Variants in CYP2C19 observed in about 807,000 individuals in gnomAD.
CYP2C19 encodes the protein cytochrome P450 2C19.
CYP2C19 carries 59 observed loss-of-function variants against 40.9 expected under a neutral mutation model. That is an observed-to-expected ratio of 1.44 (90% confidence interval 1.17 to 1.79). The LOEUF is 1.79. Ranked by LOEUF, CYP2C19 falls within the 40% of genes most tolerant of loss-of-function variation. CYP2C19 has a pLI of 0.00. For missense variants in CYP2C19, 754 were observed against 596.9 expected, an observed-to-expected ratio of 1.26 and a Z score of -2.74; for synonymous variants, 253 against 208.7, an observed-to-expected ratio of 1.21 and a Z score of -1.83.
At chr10:94,833,519 A>G (rs1183792931) in intron 6 of CYP2C19, among the ~76,000 whole-genome samples, 1 of 152,022 alleles carries the variant, frequency 6.6e-6, no homozygotes, top group Non-Finnish European at 1.5e-5. Context: ...TTACATATGT[A>G]TACATGTGCC....
intron 5 of CYP2C19, among the ~76,000 whole-genome samples, chr10:94,817,790 G>A (rs1027702487): frequency 6.6e-6 from 1 of 151,988 alleles, no homozygotes; most frequent in Non-Finnish European, 1.5e-5. Flanking sequence ...GAGGCGGGCG[G>A]ATCACGAGGT....
rs1028861936 is a variant in CYP2C19 at position 94,789,193 on chromosome 10, GT to G, written c.819+7205del. ...CCTTCACCCACTTTTTGATGGGGTT[GT>G]TTTTTTTTCTTTTAAATTTGTTTAA... On this transcript the variant is annotated intron_variant, in intron 5 of 8. Transcript: ENST00000371321. Among the ~76,000 whole-genome samples, 6 of 149,800 alleles carry G rather than the reference GT, an allele frequency of 4.0e-5. 1 individual carries two copies. The highest frequency in any genetic ancestry group is 4.2e-4 in the South Asian group (2 of 4,720).
chr10:94,844,516 C>G (rs11597626), intron 7 of CYP2C19, among the ~76,000 whole-genome samples: 31,024 of 152,066 alleles, frequency 0.2, 3,366 homozygotes, highest in Middle Eastern at 0.23. Flanking sequence ...TAGTTGCCAT[C>G]TCAAACCTGC....
At chr10:94,805,282 A>AT (rs1848817629) in intron 5 of CYP2C19, among the ~76,000 whole-genome samples, 2 of 151,892 alleles carry the variant, frequency 1.3e-5, no homozygotes, top group African/African-American at 2.4e-5. Flanking sequence ...GAAAGTTGTC[A>AT]TTTTTTTCTG....
intron 1 of CYP2C19, among the ~76,000 whole-genome samples, chr10:94,768,820 A>T (rs1848286600): frequency 6.6e-6 from 1 of 151,996 alleles, no homozygotes; most frequent in African/African-American, 2.4e-5. Flanking sequence ...ACGTATAAAG[A>T]GTTTTGTCCT....
chr10:94,767,835 T>C (rs1848269105), intron 1 of CYP2C19, among the ~76,000 whole-genome samples: 1 of 152,154 alleles, frequency 6.6e-6, no homozygotes, highest in African/African-American at 2.4e-5. Flanking sequence ...CCTGTGAAAG[T>C]TCCCATTCTG....
intron 6 of CYP2C19, among the ~76,000 whole-genome samples, chr10:94,826,684 T>A (rs931207700): frequency 3.3e-5 from 5 of 152,188 alleles, no homozygotes; most frequent in African/African-American, 1.2e-4. Context: ...GGCCAGAACT[T>A]CCAACACTAT....
chr10:94,768,673 T>A (rs57957726), intron 1 of CYP2C19, among the ~76,000 whole-genome samples: 1 of 151,540 alleles, frequency 6.6e-6, no homozygotes, highest in Admixed American at 6.6e-5. Context: ...AAGACAGCCA[T>A]CACCACAACT....
intron 5 of CYP2C19, among the ~76,000 whole-genome samples, chr10:94,815,962 A>G (rs1346246172): frequency 6.6e-6 from 1 of 152,160 alleles, no homozygotes. Context: ...TCCTATTTTT[A>G]TTAATTTAAG....
intron 5 of CYP2C19, among the ~76,000 whole-genome samples, chr10:94,790,357 C>A (rs558364175): frequency 7.9e-5 from 12 of 152,218 alleles, no homozygotes; most frequent in Admixed American, 7.8e-4. Flanking sequence ...TGCCTGATTG[C>A]CCTGGGCAGA....
At chr10:94,845,937 A>G (rs1318466146) in intron 7 of CYP2C19, among the ~76,000 whole-genome samples, 1 of 152,100 alleles carries the variant, frequency 6.6e-6, no homozygotes, top group Non-Finnish European at 1.5e-5. Flanking sequence ...CTACTTTGAT[A>G]TCTGTCTATC....
At chr10:94,776,255 A>G (rs1564661592) in intron 3 of CYP2C19, 1 of 152,194 alleles carries the variant, frequency 6.6e-6, no homozygotes, top group Non-Finnish European at 1.5e-5. Flanking sequence ...TTATTTAACT[A>G]GATTTTAATT....
At chr10:94,847,262 G>A (rs11188095) in intron 7 of CYP2C19, among the ~76,000 whole-genome samples, 1 of 151,974 alleles carries the variant, frequency 6.6e-6, no homozygotes, top group Non-Finnish European at 1.5e-5. Flanking sequence ...GGTGTGTGAT[G>A]TTCCCCTTCC....
chr10:94,783,516 G>C (rs1205937537), intron 5 of CYP2C19, among the ~76,000 whole-genome samples: 1 of 152,086 alleles, frequency 6.6e-6, no homozygotes, highest in South Asian at 2.1e-4. Flanking sequence ...CACCTCTTTT[G>C]TCATTGCACC....
intron 7 of CYP2C19, among the ~76,000 whole-genome samples, chr10:94,843,357 A>G (rs1334426463): frequency 2.0e-5 from 3 of 152,242 alleles, no homozygotes; most frequent in African/African-American, 7.2e-5. Flanking sequence ...CATTAAATTT[A>G]TAGGTCAGTT....
At chr10:94,783,992 T>C (rs1195034083) in intron 5 of CYP2C19, among the ~76,000 whole-genome samples, 7 of 152,164 alleles carry the variant, frequency 4.6e-5, no homozygotes, top group Non-Finnish European at 8.8e-5. Context: ...TGTGCAACCA[T>C]CAGCTTTCTC....
intron 7 of CYP2C19, among the ~76,000 whole-genome samples, chr10:94,846,220 C>T (rs1849570880): frequency 1.3e-5 from 2 of 152,030 alleles, no homozygotes; most frequent in African/African-American, 4.8e-5. Context: ...TGTTTCCTTT[C>T]AGTATGTTGA....
intron 7 of CYP2C19, among the ~76,000 whole-genome samples, chr10:94,844,688 G>A (rs1306519774): frequency 6.6e-6 from 1 of 152,030 alleles, no homozygotes; most frequent in Admixed American, 6.6e-5. Context: ...GAGATTATGG[G>A]GCTTACCCTG....
At position 94,842,921 on chromosome 10, in the gene CYP2C19, A is replaced by C. The variant is rs755758433; in HGVS notation, c.1046A>C (p.Asp349Ala). The change falls in exon 7 of 9, where the codon GAT (aspartate) becomes GCT (alanine). Residue 349 changes from aspartate to alanine, a missense_variant. Asp to Ala is a moderately radical substitution (Grantham distance 126). Transcript: ENST00000371321. ...MQDRGHMPYT[D>A]AVVHEVQRYI... Reference sequence around the variant, plus strand: ...GACAGGGGCCACATGCCCTACACAGATGCTGTGGTGCACGAGGTCCAGAGA... The same window carrying C: ...GACAGGGGCCACATGCCCTACACAGCTGCTGTGGTGCACGAGGTCCAGAGA... 6.2e-7 allele frequency: 1 copy of C among 1,614,206 alleles called. No individual in the cohort carries two copies. The highest frequency in any genetic ancestry group is 1.1e-5 in the South Asian group (1 of 91,082).
Sources: gnomAD v4.1 joint callset for allele counts (sites outside exome capture counted in the v4.1 genomes callset) on GRCh38, gnomAD v4.1.1 for gene constraint, MANE v1.5 for transcripts, NCBI Gene and HGNC (gene_info 2026-07-23, HGNC 2026-07-21) for gene names.